The following KAZALD1 variants were observed in gnomAD, a reference collection of about 807,000 sequenced individuals.
KAZALD1 encodes the protein kazal-type serine protease inhibitor domain-containing protein 1.
In KAZALD1, 31 loss-of-function variants were observed where a neutral mutation model predicts 27.7. The ratio of observed to expected loss-of-function variants is 1.12; its 90% CI spans 0.84 to 1.51. The LOEUF is 1.51. KAZALD1 is among the 40% of genes most tolerant of loss of function. The probability of loss-of-function intolerance (pLI) is 0.00; values close to 1 mark genes in which losing one functional copy is unlikely to be tolerated. For synonymous variants in KAZALD1, 179 were observed against 182.0 expected (o/e 0.98, Z 0.13); for missense variants, 444 against 408.9 (o/e 1.09, Z -0.74).
Position 101,063,017 on chromosome 10 carries a change from A to T in KAZALD1, c.425A>T (p.Tyr142Phe). Reference sequence around the variant, plus strand: ...CTCTGCGGGTCCGACGGTCACACCTACTCCCAGATCTGCCGCCTGCAGGAG... The same window carrying T: ...CTCTGCGGGTCCGACGGTCACACCTTCTCCCAGATCTGCCGCCTGCAGGAG... ...SPLCGSDGHT[Y>F]SQICRLQEAA... The change falls in exon 2 of 5, where the codon TAC (tyrosine) becomes TTC (phenylalanine). Residue 142 changes from tyrosine (Y) to phenylalanine (F), a missense_variant. By Grantham distance (22) the Tyr-to-Phe change is conservative. Coordinates refer to ENST00000370200, the MANE Select transcript of KAZALD1 (RefSeq NM_030929.5). 1 of 1,596,092 alleles carries T rather than the reference A, an allele frequency of 6.3e-7. No individual in the cohort carries two copies. The highest frequency in any genetic ancestry group is 2.2e-5 in the East Asian group (1 of 44,656).
chr10:101,064,133 G>A, intron 2 of KAZALD1, 128 bp from the exon 3 acceptor site: 2 of 900,588 alleles, frequency 2.2e-6, no homozygotes, highest in South Asian at 1.6e-5. Flanking sequence ...TTATGGATGT[G>A]TATTTACCTC....
Position 101,066,184 on chromosome 10 carries a change from C to A in KAZALD1, c.*1264C>A, listed in dbSNP as rs569847887. 3.0e-6 allele frequency: 1 copy of A among 332,132 alleles called. No individual in the cohort carries two copies. The highest frequency in any genetic ancestry group is 5.8e-4 in the Middle Eastern group (1 of 1,712). 20.6% of individuals were successfully genotyped at this position (332,132 alleles called of 1,614,324 possible). ...AAAGCATAAGTCAGCGAGGCCGAGG[C>A]GCTGTGTGTAGATGGCGACAGCCTC... On this transcript the variant is annotated 3_prime_UTR_variant, in exon 5 of 5. Transcript: ENST00000370200.
Position 101,064,195 on chromosome 10 carries a change from G to A in KAZALD1, c.512-66G>A, listed in dbSNP as rs576538754. 1.8e-4 allele frequency: 284 copies of A among 1,584,346 alleles called. 2 individuals carry two copies. The highest frequency in any genetic ancestry group is 1.5e-3 in the South Asian group (135 of 89,194). On this transcript the variant is annotated intron_variant, in intron 2 of 4. Transcript: ENST00000370200. Reference sequence around the variant, plus strand: ...ATGTCCACAAAAATTTGTGTATCATGTCTTTGCCAGACTGGATGCCTTTGC... The same window carrying A: ...ATGTCCACAAAAATTTGTGTATCATATCTTTGCCAGACTGGATGCCTTTGC...
rs1173687581 is a variant in KAZALD1, at chr10:101,064,854, G to T, written c.849G>T (p.Gln283His). ...AGCTGAACTCTACAGGCATCCCCCA[G>T]CTGCGATCACTAAACCTGGTTCCTG... is the stretch of plus-strand genomic sequence containing the variant. ...PDQLNSTGIP[Q>H]LRSLNLVPEE... The change falls in exon 5 of 5, where the codon CAG becomes CAT. Residue 283 changes from glutamine (Q) to histidine (H), a missense_variant. Physicochemically the swap from Gln to His is conservative, Grantham distance 24. Coordinates refer to ENST00000370200, the MANE Select transcript of KAZALD1 (RefSeq NM_030929.5). 6.2e-7 allele frequency: 1 copy of T among 1,614,080 alleles called. No individual in the cohort carries two copies. The highest frequency in any genetic ancestry group is 8.5e-7 in the Non-Finnish European group (1 of 1,180,042).
chr10:101,063,816 C>G (rs1564656965), intron 2 of KAZALD1, among the ~76,000 whole-genome samples: 1 of 152,200 alleles, frequency 6.6e-6, no homozygotes, highest in South Asian at 2.1e-4. Flanking sequence ...CCAGGGGGTA[C>G]TGAGGAGGGA....
chr10:101,063,174 G>A, intron 2 of KAZALD1, 71 bp downstream of exon 2: 1 of 1,331,614 alleles, frequency 7.5e-7, no homozygotes, highest in Non-Finnish European at 1.0e-6. Context: ...ACCCCTGACA[G>A]CATTGGTCTC....
chr10:101,062,862 C>A lies in KAZALD1; in HGVS notation c.270C>A (p.Cys90Ter), dbSNP rs779085318. The A allele has an allele frequency of 6.3e-7, 1 of 1,599,938 alleles. No homozygotes were observed. Among genetic ancestry groups the A allele is most frequent in the Admixed American group, 1.7e-5 (1 of 59,854 alleles). Residue 90 changes from cysteine (C) to a stop codon, truncating the protein, a stop_gained, in exon 2 of 5, where the codon TGC becomes TGA. Coordinates refer to ENST00000370200, the MANE Select transcript of KAZALD1 (RefSeq NM_030929.5). LOFTEE classifies it high-confidence loss of function. ...GCGCCAACCTCGAGGGCCAGCTCTG[C>A]GACCTGGACCCCAGTGCTCACTTCT... ...WECANLEGQL[C>*]DLDPSAHFYG...
chr10:101,065,158 G>T lies in KAZALD1; in HGVS notation c.*238G>T. The T allele has an allele frequency of 1.9e-6, 1 of 513,918 alleles. No homozygotes were observed. Among genetic ancestry groups the T allele is most frequent in the Non-Finnish European group, 3.5e-6 (1 of 284,756 alleles). The allele number at this position is 513,918 out of a possible 1,614,324, so 31.8% of individuals were successfully genotyped here. A position where few individuals can be genotyped will look rare whatever the true frequency, so the allele number is the denominator to read the frequency against. On this transcript the variant is annotated 3_prime_UTR_variant, in exon 5 of 5. Coordinates refer to ENST00000370200, the MANE Select transcript of KAZALD1 (RefSeq NM_030929.5). ...ACCGGTGGGGTACAAAGGGGCCCAT[G>T]CAGGAGATGCCCTGGCCAGTAGGAC...
intron 2 of KAZALD1, among the ~76,000 whole-genome samples, chr10:101,063,680 G>T (rs2134241598): frequency 6.6e-6 from 1 of 152,328 alleles, no homozygotes; most frequent in East Asian, 1.9e-4. Context: ...CTCTGCGTCT[G>T]GCTCGGCTGG....
rs1159289655 is a variant in KAZALD1, at chr10:101,065,199, TCCCAGG to T, written c.*281_*286del. On this transcript the variant is annotated 3_prime_UTR_variant, in exon 5 of 5. Coordinates refer to ENST00000370200, the MANE Select transcript of KAZALD1 (RefSeq NM_030929.5). The stretch of plus-strand genomic sequence containing the variant: ...CCAGTAGGACCTCCAACAGGTTGTT[TCCCAGG>T]CTGGGGTGGGGGCCTGAGCAGACAC... The T allele has an allele frequency of 9.7e-6, 4 of 410,408 alleles. No homozygotes were observed. Among genetic ancestry groups the T allele is most frequent in the African/African-American group, 8.0e-5 (4 of 49,760 alleles). 25.4% of individuals were successfully genotyped at this position (410,408 alleles called of 1,614,324 possible).
intron 3 of KAZALD1, 38 bp downstream of exon 3, chr10:101,064,459 G>A (rs765469090): frequency 1.2e-6 from 2 of 1,614,178 alleles, no homozygotes; most frequent in Non-Finnish European, 1.7e-6. Context: ...GGCAGCCCAG[G>A]GCCCTCCAGA....
At chr10:101,067,470 C>T (rs1202619481), downstream of KAZALD1, 2 of 370,452 alleles carry the variant, frequency 5.4e-6, no homozygotes, top group African/African-American at 4.2e-5. Flanking sequence ...CCTCCCAAGC[C>T]GAGGCTTCCA....
chr10:101,066,347 C>T lies in KAZALD1; in HGVS notation c.*1427C>T, dbSNP rs760538037. On this transcript the variant is annotated 3_prime_UTR_variant, in exon 5 of 5. Coordinates refer to ENST00000370200, the MANE Select transcript of KAZALD1 (RefSeq NM_030929.5). ...AGGGGTGTGGTCCGGAACTCCAACC[C>T]CAGGTCCTGCTTGGCCGCCCCTCCC... The T allele has an allele frequency of 2.2e-6, 1 of 455,906 alleles. No homozygotes were observed. The highest frequency in any genetic ancestry group is 4.4e-6 in the Non-Finnish European group (1 of 226,520). The allele number at this position is 455,906 out of a possible 1,614,324, so 28.2% of individuals were successfully genotyped here.
rs868530661 is a variant in KAZALD1, at chr10:101,065,310, G to T, written c.*390G>T. ...CTAACTGCCCTTCCTCCCAGGCCCT[G>T]GTTCTTGCTATTTCCTGGTCCCCAA... On this transcript the variant is annotated 3_prime_UTR_variant, in exon 5 of 5. Transcript: ENST00000370200. 1.1e-4 allele frequency: 20 copies of T among 188,678 alleles called. No individual in the cohort carries two copies. The highest frequency in any genetic ancestry group is 2.2e-4 in the Admixed American group (4 of 18,570). 11.7% of individuals were successfully genotyped at this position (188,678 alleles called of 1,614,324 possible). A position where few individuals can be genotyped will look rare whatever the true frequency, so the allele number is the denominator to read the frequency against.
Position 101,066,946 on chromosome 10 carries a change from C to T in KAZALD1, c.*2026C>T. ...CCCCCTCCCTCCCCGCACCCCGCCT[C>T]TGCTGCAGCGGACCCGCTTTAATAA... On this transcript the variant is annotated 3_prime_UTR_variant, in exon 5 of 5. Transcript: ENST00000370200. 1 of 317,856 alleles carries T rather than the reference C, an allele frequency of 3.1e-6. No individual in the cohort carries two copies. Among genetic ancestry groups the T allele is most frequent in the African/African-American group, 2.2e-5 (1 of 45,788 alleles). The allele number at this position is 317,856 out of a possible 1,614,324, so 19.7% of individuals were successfully genotyped here.
chr10:101,062,713 C>T lies in KAZALD1; in HGVS notation c.121C>T (p.Arg41Cys). ...RPSPGPDYLR[R>C]GWMRLLAEGE... Reference sequence around the variant, plus strand: ...ATCCCCAGGCCCAGATTACCTGCGGCGCGGCTGGATGCGGCTGCTAGCGGA... The same window carrying T: ...ATCCCCAGGCCCAGATTACCTGCGGTGCGGCTGGATGCGGCTGCTAGCGGA... The change falls in exon 2 of 5, where the codon CGC (arginine) becomes TGC (cysteine). Residue 41 changes from arginine to cysteine, a missense_variant. Arg to Cys is a radical substitution (Grantham distance 180). Coordinates refer to ENST00000370200, the MANE Select transcript of KAZALD1 (RefSeq NM_030929.5). 1 of 1,533,526 alleles carries T rather than the reference C, an allele frequency of 6.5e-7. No individual in the cohort carries two copies. Among genetic ancestry groups the T allele is most frequent in the Non-Finnish European group, 8.7e-7 (1 of 1,148,480 alleles). The allele number at this position is 1,533,526 out of a possible 1,614,324, so 95.0% of individuals were successfully genotyped here. A position where few individuals can be genotyped will look rare whatever the true frequency, so the allele number is the denominator to read the frequency against.
At position 101,066,368 on chromosome 10, in the gene KAZALD1, C is replaced by T. The variant is rs1329947377; in HGVS notation, c.*1448C>T. Reference sequence around the variant, plus strand: ...AACCCCAGGTCCTGCTTGGCCGCCCCTCCCGCGGCTACGCACTACTCCATC... The same window carrying T: ...AACCCCAGGTCCTGCTTGGCCGCCCTTCCCGCGGCTACGCACTACTCCATC... On this transcript the variant is annotated 3_prime_UTR_variant, in exon 5 of 5. Coordinates refer to ENST00000370200, the MANE Select transcript of KAZALD1 (RefSeq NM_030929.5). The T allele has an allele frequency of 6.6e-6, 3 of 456,408 alleles. No individual in the cohort carries two copies. Among genetic ancestry groups the T allele is most frequent in the African/African-American group, 4.0e-5 (2 of 50,218 alleles). 28.3% of individuals were successfully genotyped at this position (456,408 alleles called of 1,614,324 possible). A position where few individuals can be genotyped will look rare whatever the true frequency, so the allele number is the denominator to read the frequency against.
At position 101,062,798 on chromosome 10, in the gene KAZALD1, C is replaced by A. The variant is rs766844015; in HGVS notation, c.206C>A (p.Ala69Glu). The part of the protein sequence containing the change: ...EECAAPRGCL[A>E]GRVRDACGCC... ...TGCGCCGCGCCGCGGGGCTGCCTGG[C>A]GGGCAGGGTGCGCGACGCGTGCGGC... Residue 69 changes from alanine (A) to glutamate (E), a missense_variant, in exon 2 of 5, where the codon GCG becomes GAG. Coordinates refer to ENST00000370200, the MANE Select transcript of KAZALD1 (RefSeq NM_030929.5). 1 of 1,573,086 alleles carries A rather than the reference C, an allele frequency of 6.4e-7. No homozygotes were observed. Among genetic ancestry groups the A allele is most frequent in the South Asian group, 1.1e-5 (1 of 87,678 alleles).
intron 2 of KAZALD1, among the ~76,000 whole-genome samples, chr10:101,063,801 C>T (rs1453331604): frequency 6.6e-6 from 1 of 152,260 alleles, no homozygotes; most frequent in Non-Finnish European, 1.5e-5. Flanking sequence ...TGCCGCAGGA[C>T]TCCCCCAGGG....
Sources: gnomAD v4.1 joint callset for allele counts (sites outside exome capture counted in the v4.1 genomes callset) on GRCh38, gnomAD v4.1.1 for gene constraint, MANE v1.5 for transcripts, NCBI Gene and HGNC (gene_info 2026-07-23, HGNC 2026-07-21) for gene names.